Variants in C16orf96 observed in about 807,000 individuals in gnomAD.
The protein encoded by C16orf96 is chromosome 16 open reading frame 96, also known as uncharacterized protein C16orf96.
In C16orf96, 108 loss-of-function variants were observed where a neutral mutation model predicts 103.6. The ratio of observed to expected loss-of-function variants is 1.04; its 90% CI spans 0.89 to 1.22. The LOEUF is 1.22. Ranked by LOEUF, C16orf96 falls within the 50% of genes most tolerant of loss-of-function variation. The pLI is 0.00. For synonymous variants in C16orf96, 566 were observed against 593.5 expected (o/e 0.95, Z 0.67); for missense variants, 1,586 against 1,464.2 (o/e 1.08, Z -1.36).
intron 8 of C16orf96, among the ~76,000 whole-genome samples, chr16:4,587,438 G>A (rs1452374343): frequency 2.0e-5 from 3 of 148,980 alleles, no homozygotes; most frequent in Non-Finnish European, 4.4e-5. Flanking sequence ...TGAGGCAGGA[G>A]AATCACTTGA....
chr16:4,591,479 A>G (rs1393286093), intron 9 of C16orf96, among the ~76,000 whole-genome samples, 187 bp from the exon 10 acceptor site: 4 of 151,922 alleles, frequency 2.6e-5, no homozygotes, highest in Admixed American at 6.6e-5. Flanking sequence ...CCCTCTACCA[A>G]TAGCATCTAG....
At chr16:4,581,307 C>G (rs1050254545) in intron 7 of C16orf96, among the ~76,000 whole-genome samples, 4 of 149,360 alleles carry the variant, frequency 2.7e-5, no homozygotes, top group African/African-American at 4.9e-5. Flanking sequence ...TGCATTCCAG[C>G]CTGGGCAACA....
At chr16:4,547,989 G>C in the C16orf96 span, among the ~76,000 whole-genome samples, 1 of 152,060 alleles carries the variant, frequency 6.6e-6, no homozygotes, top group South Asian at 2.1e-4. Context: ...TTGTCATGGT[G>C]TTTGCAACTA....
At chr16:4,579,817 G>C (rs1275222630) in intron 6 of C16orf96, among the ~76,000 whole-genome samples, 198 bp from the exon 7 acceptor site, 3 of 152,116 alleles carry the variant, frequency 2.0e-5, no homozygotes, top group Non-Finnish European at 2.9e-5. Context: ...CGCCGTGTTG[G>C]GCAGGCTGGT....
the C16orf96 span, among the ~76,000 whole-genome samples, chr16:4,541,265 G>C: frequency 2.6e-5 from 4 of 152,208 alleles, no homozygotes. Context: ...AAGCAGTAGA[G>C]TTACAGTCAA....
At position 4,558,283 on chromosome 16, in the gene C16orf96, G is replaced by A. The variant is rs57006333; in HGVS notation, c.420+1374G>A. Among the ~76,000 whole-genome samples the A allele has an allele frequency of 4.6e-3, 704 of 152,294 alleles. 4 individuals are homozygous for A. Among genetic ancestry groups the A allele is most frequent in the African/African-American group, 0.016 (654 of 41,560 alleles). On this transcript the variant is annotated intron_variant, in intron 1 of 15. Coordinates refer to ENST00000444310, the MANE Select transcript of C16orf96 (RefSeq NM_001145011.2). The stretch of plus-strand genomic sequence containing the variant: ...CCCCTGCTAACCCCGACCAGCACGT[G>A]GACAGTGTTCAGTTACTGGCAGCCC...
chr16:4,554,548 G>T (rs1331387382), upstream of C16orf96, among the ~76,000 whole-genome samples: 1 of 151,378 alleles, frequency 6.6e-6, no homozygotes, highest in Non-Finnish European at 1.5e-5. Context: ...GTAGAGACGG[G>T]GTTTCACACT....
rs900884800 is a variant in C16orf96 at position 4,573,467 on chromosome 16, C to T, written c.526-1242C>T. ...AAAAAAAAAAAAAAAAAGGTGGGGTCGGTGGGGCGGCATGGTGGTTCACGC... is the reference window on the plus strand; with the variant it reads ...AAAAAAAAAAAAAAAAAGGTGGGGTTGGTGGGGCGGCATGGTGGTTCACGC... On this transcript the variant is annotated intron_variant, in intron 2 of 15. Transcript: ENST00000444310. 2.8e-3 allele frequency among the ~76,000 whole-genome samples: 342 copies of T among 123,528 alleles called. 2 individuals are homozygous for T. The highest frequency in any genetic ancestry group is 9.4e-3 in the African/African-American group (316 of 33,462). 81.0% of individuals were successfully genotyped at this position (123,528 alleles called of 152,430 possible). A position where few individuals can be genotyped will look rare whatever the true frequency, so the allele number is the denominator to read the frequency against.
intron 1 of C16orf96, among the ~76,000 whole-genome samples, chr16:4,564,637 C>G (rs767069291): frequency 2.0e-5 from 3 of 152,122 alleles, no homozygotes; most frequent in African/African-American, 7.2e-5. Flanking sequence ...GTGGCAAAAC[C>G]TTGTCTTTAC....
rs1019843177 is a variant in C16orf96 at position 4,575,001 on chromosome 16, C to T, written c.636C>T (p.Ile212=). The change falls in exon 4 of 16, where the codon ATC becomes ATT. Residue 212 remains isoleucine, a synonymous_variant. Transcript: ENST00000444310. ...CTCTCCAGAATAAGTTTAAAACCATCCCCAAAACCGAGGACATGGTGCTCT... is the reference window on the plus strand; with the variant it reads ...CTCTCCAGAATAAGTTTAAAACCATTCCCAAAACCGAGGACATGGTGCTCT... The part of the protein sequence containing the change: ...VASLQNKFKT[I]PKTEDMVLWS... The T allele has an allele frequency of 2.6e-6, 4 of 1,551,394 alleles. No homozygotes were observed. In the East Asian group the frequency reaches 7.3e-5, roughly 28 times the overall value.
At chr16:4,545,141 GGGT>G in the C16orf96 span, among the ~76,000 whole-genome samples, 1 of 152,110 alleles carries the variant, frequency 6.6e-6, no homozygotes, top group African/African-American at 2.4e-5. Context: ...GACGTTAGTT[GGGT>G]GCTCTTCTGA....
In C16orf96 at chr16:4,593,301, A is replaced by C. The variant is rs1273484782; in HGVS notation, c.2852A>C (p.Gln951Pro). The C allele has an allele frequency of 2.0e-5, 31 of 1,550,682 alleles. No homozygotes were observed. The highest frequency in any genetic ancestry group is 2.4e-5 in the Non-Finnish European group (28 of 1,146,822). Residue 951 changes from glutamine to proline, a missense_variant, in exon 12 of 16, where the codon CAG (glutamine) becomes CCG (proline). Coordinates refer to ENST00000444310, the MANE Select transcript of C16orf96 (RefSeq NM_001145011.2). The surrounding 1 kb of genome is among the most constrained non-coding windows in gnomAD (Gnocchi z 4.2). ...AGCGCCAACAGCTGCGAGTACTTGC[A>C]GCGGCAACAGATGAGGTGAGCAGGA... ...PASANSCEYLQRQQMREQQWL... is the reference protein window; with the variant it reads ...PASANSCEYLPRQQMREQQWL...
At chr16:4,579,903 G>T (rs934920939) in intron 6 of C16orf96, 112 bp from the exon 7 acceptor site, 1 of 878,724 alleles carries the variant, frequency 1.1e-6, no homozygotes, top group Non-Finnish European at 1.8e-6. Flanking sequence ...GAGCCACCAC[G>T]CCCAGCCTGG....
the C16orf96 span, among the ~76,000 whole-genome samples, chr16:4,542,580 T>G: frequency 6.6e-6 from 1 of 152,122 alleles, no homozygotes; most frequent in South Asian, 2.1e-4. Context: ...GCAGATCACC[T>G]GAGGTCAGGA....
chr16:4,592,457 T>C (rs958950056), intron 11 of C16orf96, 90 bp downstream of exon 11: 1 of 1,422,402 alleles, frequency 7.0e-7, no homozygotes, highest in Non-Finnish European at 9.6e-7. Flanking sequence ...CACCGTTCCA[T>C]GCACGCTGTG....
chr16:4,581,174 AT>A (rs1314735200), intron 7 of C16orf96, among the ~76,000 whole-genome samples: 8 of 123,036 alleles, frequency 6.5e-5, no homozygotes, highest in South Asian at 2.5e-4. Context: ...ATATATATAT[AT>A]ATATATATAA....
At chr16:4,567,807 C>A (rs1017190660) in intron 1 of C16orf96, among the ~76,000 whole-genome samples, 3 of 144,556 alleles carry the variant, frequency 2.1e-5, no homozygotes, top group Non-Finnish European at 4.5e-5. Flanking sequence ...AAGCAGTTCT[C>A]CTGCCTCAGC....
rs931988804 is a variant in C16orf96 at position 4,571,598 on chromosome 16, A to C, written c.458A>C (p.His153Pro). 6.4e-7 allele frequency: 1 copy of C among 1,552,224 alleles called. No individual in the cohort carries two copies. The change falls in exon 2 of 16, where the codon CAT becomes CCT. Residue 153 changes from histidine to proline, a missense_variant. His to Pro is a moderately conservative substitution (Grantham distance 77). Coordinates refer to ENST00000444310, the MANE Select transcript of C16orf96 (RefSeq NM_001145011.2). ...CTGCAGGACTTGCTCACTGATCTTC[A>C]TGCACTCCAGGTCACCATCACAGCC... Reference protein sequence around the residue: ...QTLQDLLTDLHALQVTITALR... With the variant: ...QTLQDLLTDLPALQVTITALR...
At chr16:4,556,932 C>A (rs746879944) in intron 1 of C16orf96, 23 bp downstream of exon 1, 7 of 1,517,222 alleles carry the variant, frequency 4.6e-6, no homozygotes, top group Non-Finnish European at 6.2e-6. Context: ...CCTCCAGACA[C>A]TTCTTTTCCT....
Sources: gnomAD v4.1 joint callset for allele counts (sites outside exome capture counted in the v4.1 genomes callset) on GRCh38, gnomAD v4.1.1 for gene constraint, Gnocchi (gnomAD v3.1) non-coding constraint, MANE v1.5 for transcripts, NCBI Gene and HGNC (gene_info 2026-07-23, HGNC 2026-07-21) for gene names.